Variants in AKNAD1 observed in about 807,000 individuals in gnomAD.
AKNAD1 encodes the protein AKNA domain containing 1.
In AKNAD1, 67 loss-of-function variants were observed where a neutral mutation model predicts 90.8. The observed-to-expected ratio is 0.74, with a 90% CI of 0.61 to 0.90. The LOEUF (loss-of-function observed/expected upper bound fraction) is 0.90, where lower values mean the gene tolerates loss of function less well. Ranked by LOEUF, AKNAD1 falls within the 40% of genes least tolerant of loss-of-function variation. AKNAD1 has a pLI of 0.00. For missense variants in AKNAD1, 957 were observed against 975.4 expected, an observed-to-expected ratio of 0.98 and a Z score of 0.25; for synonymous variants, 327 against 341.4, an observed-to-expected ratio of 0.96 and a Z score of 0.46.
Position 108,852,318 on chromosome 1 carries a change from T to C in AKNAD1, c.347A>G (p.His116Arg), listed in dbSNP as rs1331182297. The change falls in exon 2 of 16, where the codon CAT becomes CGT. Residue 116 changes from histidine to arginine, a missense_variant. By Grantham distance (29) the His-to-Arg change is conservative (BLOSUM62 0). Coordinates refer to ENST00000370001, the MANE Select transcript of AKNAD1 (RefSeq NM_152763.5). ...TCTTAAGAATGGCTCTTTGGAAAGA[T>C]GATGAAGTAAAATATCAGAAATGCT... ...KSSISDILLH[H>R]LSKEPFLRGQ... 2.5e-6 allele frequency: 4 copies of C among 1,614,174 alleles called. No homozygotes were observed. The highest frequency in any genetic ancestry group is 2.2e-5 in the East Asian group (1 of 44,882).
intron 11 of AKNAD1, among the ~76,000 whole-genome samples, chr1:108,824,186 A>G (rs1339589266): frequency 6.6e-6 from 1 of 152,220 alleles, no homozygotes; most frequent in Non-Finnish European, 1.5e-5. Context: ...TTAGCCTCAA[A>G]GAAGCTAGTA....
At position 108,834,977 on chromosome 1, in the gene AKNAD1, C is replaced by T; in HGVS notation, c.1616G>A (p.Gly539Glu). The change falls in exon 8 of 16, where the codon GGG becomes GAG. Residue 539 changes from glycine to glutamate, a missense_variant. Gly to Glu is a moderately conservative substitution (Grantham distance 98). Coordinates refer to ENST00000370001, the MANE Select transcript of AKNAD1 (RefSeq NM_152763.5). ...CTCCTCGTTGGGGGCCTCCTGCGGC[C>T]CTCCTTGGGGTGTCCCTGTTACCTC... The part of the protein sequence containing the change: ...GSEVTGTPQG[G>E]PQEAPNEELC... 1 of 1,555,412 alleles carries T rather than the reference C, an allele frequency of 6.4e-7. No individual in the cohort carries two copies. The highest frequency in any genetic ancestry group is 8.6e-7 in the Non-Finnish European group (1 of 1,159,950).
At chr1:108,838,083 G>T (rs959641240) in intron 6 of AKNAD1, among the ~76,000 whole-genome samples, 2 of 152,116 alleles carry the variant, frequency 1.3e-5, no homozygotes. Context: ...AAAAGAGGAA[G>T]AATATTAGAT....
chr1:108,817,278 G>A, intron 14 of AKNAD1, 101 bp from the exon 15 acceptor site: 2 of 1,485,804 alleles, frequency 1.3e-6, no homozygotes. Flanking sequence ...GTGTGGTTTG[G>A]GTGTGGGTGG....
At chr1:108,850,844 A>G (rs1199984962) in intron 2 of AKNAD1, among the ~76,000 whole-genome samples, 7 of 152,156 alleles carry the variant, frequency 4.6e-5, no homozygotes, top group Non-Finnish European at 1.0e-4. Flanking sequence ...TGGGCCTCAA[A>G]CATCAATGAG....
At chr1:108,855,891 T>G (rs1665020669) in intron 1 of AKNAD1, among the ~76,000 whole-genome samples, 1 of 150,762 alleles carries the variant, frequency 6.6e-6, no homozygotes, top group African/African-American at 2.4e-5. Flanking sequence ...TTTTTTTTTT[T>G]TTTTAGACAA....
chr1:108,842,764 A>T (rs933087962), intron 6 of AKNAD1, among the ~76,000 whole-genome samples: 1 of 152,086 alleles, frequency 6.6e-6, no homozygotes, highest in African/African-American at 2.4e-5. Context: ...GAGAGGAGGA[A>T]CTTGAGAAGA....
chr1:108,818,539 T>C (rs1172451270), intron 14 of AKNAD1, among the ~76,000 whole-genome samples: 1 of 152,110 alleles, frequency 6.6e-6, no homozygotes, highest in Non-Finnish European at 1.5e-5. Context: ...CTGGTACCAT[T>C]CTAAGTGCTT....
chr1:108,830,577 C>CA lies in AKNAD1; in HGVS notation c.1819dup (p.Cys607LeufsTer6), dbSNP rs1352299599. The stretch of plus-strand genomic sequence containing the variant: ...CCCTCACCATTCAAGGAGCCTGCGA[C>CA]AGAAGGCACAGCTCGGACTGGGTGC... On this transcript the variant is annotated frameshift_variant, in exon 10 of 16. Transcript: ENST00000370001. LOFTEE classifies it high-confidence loss of function. 9 of 1,614,114 alleles carry CA rather than the reference C, an allele frequency of 5.6e-6. No individual in the cohort carries two copies. Among genetic ancestry groups the CA allele is most frequent in the Non-Finnish European group, 7.6e-6 (9 of 1,180,028 alleles).
At position 108,848,979 on chromosome 1, in the gene AKNAD1, T is replaced by C; in HGVS notation, c.1115A>G (p.Gln372Arg). Residue 372 changes from glutamine (Q) to arginine (R), a missense_variant, in exon 4 of 16, where the codon CAA becomes CGA. By Grantham distance (43) the Gln-to-Arg change is conservative. Transcript: ENST00000370001. ...CATCTGTTTCCCTTGGGATATCTTT[T>C]GAAATATGTAAGAAGAACTTGAGGA... ...GTSSSSSYIF[Q>R]KISQGKQMCQ... The C allele has an allele frequency of 6.2e-7, 1 of 1,611,614 alleles. No individual in the cohort carries two copies. Among genetic ancestry groups the C allele is most frequent in the Non-Finnish European group, 8.5e-7 (1 of 1,179,420 alleles).
rs1664890989 is a variant in AKNAD1, at chr1:108,852,278, A to G, written c.387T>C (p.Asp129=). The change falls in exon 2 of 16, where the codon GAT becomes GAC. Residue 129 remains aspartate, a synonymous_variant. Transcript: ENST00000370001. ...TTGAGATCTCTGGGAGGGTTTCACAATCAATGCCTTGACCTCTTAAGAATG... is the reference window on the plus strand; with the variant it reads ...TTGAGATCTCTGGGAGGGTTTCACAGTCAATGCCTTGACCTCTTAAGAATG... ...KEPFLRGQGI[D]CETLPEISNA... 1.9e-6 allele frequency: 3 copies of G among 1,614,046 alleles called. No homozygotes were observed. The highest frequency in any genetic ancestry group is 2.5e-6 in the Non-Finnish European group (3 of 1,180,044).
At position 108,851,949 on chromosome 1, in the gene AKNAD1, T is replaced by C. The variant is rs542344153; in HGVS notation, c.716A>G (p.Glu239Gly). ...QGQSPQKQQT[E>G]KANSGNTFKY... Reference sequence around the variant, plus strand: ...GAACGTGTTGCCTGAATTTGCTTTTTCAGTCTGCTGTTTCTGGGGTGACTG... The same window carrying C: ...GAACGTGTTGCCTGAATTTGCTTTTCCAGTCTGCTGTTTCTGGGGTGACTG... The change falls in exon 2 of 16, where the codon GAA becomes GGA. Residue 239 changes from glutamate to glycine, a missense_variant. Transcript: ENST00000370001. The C allele has an allele frequency of 9.3e-6, 15 of 1,614,126 alleles. No homozygotes were observed. Among genetic ancestry groups the C allele is most frequent in the Non-Finnish European group, 1.3e-5 (15 of 1,180,040 alleles).
chr1:108,856,131 A>T lies in AKNAD1; in HGVS notation c.-104+798T>A, dbSNP rs534927933. 2.0e-5 allele frequency among the ~76,000 whole-genome samples: 3 copies of T among 152,058 alleles called. No homozygotes were observed. In the South Asian group the frequency reaches 6.2e-4, roughly 32 times the overall value. On this transcript the variant is annotated intron_variant, in intron 1 of 15. Transcript: ENST00000370001. ...GCCTCCCAAAGTGCTGGGATTACAG[A>T]CATGAGCCACTGTGCCTGGCCTGAG...
chr1:108,857,806 A>G (rs1484880577), upstream of AKNAD1, among the ~76,000 whole-genome samples: 4 of 152,228 alleles, frequency 2.6e-5, no homozygotes, highest in Non-Finnish European at 5.9e-5. Context: ...CACTTCTAAG[A>G]TCAGCCCTAC....
intron 6 of AKNAD1, among the ~76,000 whole-genome samples, chr1:108,841,713 C>A (rs1377212030): frequency 6.6e-6 from 1 of 152,024 alleles, no homozygotes; most frequent in African/African-American, 2.4e-5. Flanking sequence ...ATCAAGAACC[C>A]AAGGGTTGTA....
chr1:108,819,330 T>C (rs573116685), intron 14 of AKNAD1, among the ~76,000 whole-genome samples: 64 of 152,200 alleles, frequency 4.2e-4, no homozygotes, highest in African/African-American at 1.4e-3. Flanking sequence ...AAAAACTTAA[T>C]TGGGTGGGCC....
At chr1:108,855,522 C>T (rs1167770521) in intron 1 of AKNAD1, among the ~76,000 whole-genome samples, 1 of 151,976 alleles carries the variant, frequency 6.6e-6, no homozygotes, top group African/African-American at 2.4e-5. Flanking sequence ...TGAGGTGGCT[C>T]ATGCCTGTAA....
At chr1:108,851,197 G>C (rs558076245) in intron 2 of AKNAD1, among the ~76,000 whole-genome samples, 1 of 152,178 alleles carries the variant, frequency 6.6e-6, no homozygotes, top group Non-Finnish European at 1.5e-5. Flanking sequence ...CACTCTGATG[G>C]AACGACTAAA....
chr1:108,850,619 A>G (rs1258274455), intron 2 of AKNAD1, among the ~76,000 whole-genome samples: 13 of 136,716 alleles, frequency 9.5e-5, no homozygotes, highest in Non-Finnish European at 1.3e-4. Flanking sequence ...TGAAGTGTGA[A>G]AATGGAAATG....
Sources: allele counts gnomAD v4.1 joint callset (sites outside exome capture counted in the v4.1 genomes callset), GRCh38; gene constraint gnomAD v4.1.1; transcripts MANE v1.5; gene names NCBI Gene and HGNC (gene_info 2026-07-23, HGNC 2026-07-21).